The following KIAA1549L variants were observed in gnomAD, a reference collection of about 807,000 sequenced individuals.
The protein encoded by KIAA1549L is KIAA1549 like, also known as UPF0606 protein KIAA1549L.
In KIAA1549L, 88 loss-of-function variants were observed where a neutral mutation model predicts 160.7. The observed-to-expected ratio is 0.55, with a 90% CI of 0.46 to 0.65. The LOEUF is 0.65. Among genes scored for constraint, KIAA1549L ranks in the 30% least tolerant of loss-of-function variants. The pLI is 0.00. For synonymous variants in KIAA1549L, 950 were observed against 976.7 expected, an observed-to-expected ratio of 0.97 and a Z score of 0.51; for missense variants, 2,258 against 2,437.5, an observed-to-expected ratio of 0.93 and a Z score of 1.55.
intron 1 of KIAA1549L, among the ~76,000 whole-genome samples, chr11:33,504,180 G>C (rs758684702): frequency 6.6e-6 from 1 of 152,042 alleles, no homozygotes; most frequent in African/African-American, 2.4e-5. Flanking sequence ...AGAATTGCTC[G>C]AACCGGGGAG....
rs187570502 is a variant in KIAA1549L at position 33,501,038 on chromosome 11, G to A, written c.239-40764G>A. 1.2e-3 allele frequency among the ~76,000 whole-genome samples: 179 copies of A among 152,028 alleles called. No individual in the cohort carries two copies. In the South Asian group the frequency reaches 0.025, roughly 21 times the overall value. On this transcript the variant is annotated intron_variant, in intron 1 of 20. Transcript: ENST00000658780. ...GACATACTCCTCCAATCCACTTATT[G>A]CTGTCCGTGGTGCTGAAACATCACT...
chr11:33,562,201 G>C (rs533118922), intron 8 of KIAA1549L, among the ~76,000 whole-genome samples: 200 of 152,254 alleles, frequency 1.3e-3, no homozygotes, highest in African/African-American at 4.6e-3. Flanking sequence ...AATAGAAAGG[G>C]GTTCTTTTGG....
Position 33,542,644 on chromosome 11 carries a change from C to G in KIAA1549L, c.1081C>G (p.Leu361Val). Residue 361 changes from leucine to valine, a missense_variant, in exon 2 of 21, where the codon CTT becomes GTT. Transcript: ENST00000658780. The stretch of plus-strand genomic sequence containing the variant: ...CCATCCGTCTCCCCCTCCCCCAGCA[C>G]TTGGAAGTCTTCTTCAGCTTCCAGA... ...LSHPSPPPPA[L>V]GSLLQLPDGS... The G allele has an allele frequency of 6.2e-7, 1 of 1,613,846 alleles. No homozygotes were observed. Among genetic ancestry groups the G allele is most frequent in the South Asian group, 1.1e-5 (1 of 91,032 alleles).
chr11:33,605,451 CCT>C (rs749085408), intron 13 of KIAA1549L, among the ~76,000 whole-genome samples: 1 of 152,132 alleles, frequency 6.6e-6, no homozygotes, highest in African/African-American at 2.4e-5. Flanking sequence ...TAGAGATTTT[CCT>C]CTGTCATTGG....
chr11:33,470,535 T>C (rs1852156672), intron 1 of KIAA1549L, among the ~76,000 whole-genome samples: 1 of 152,132 alleles, frequency 6.6e-6, no homozygotes, highest in African/African-American at 2.4e-5. Context: ...AGCCTTCACC[T>C]CTCCCTCCTC....
chr11:33,665,354 CCT>C (rs1564949810), intron 20 of KIAA1549L: 1 of 151,968 alleles, frequency 6.6e-6, no homozygotes, highest in African/African-American at 2.4e-5. Flanking sequence ...GAGGGTGGCT[CCT>C]CTCTGCCCAC....
chr11:33,443,727 T>C (rs888858862), intron 1 of KIAA1549L, among the ~76,000 whole-genome samples: 2 of 137,938 alleles, frequency 1.4e-5, no homozygotes, highest in Non-Finnish European at 3.2e-5. Flanking sequence ...ATTTATGGAA[T>C]TGAAAAAAAA....
At chr11:33,392,286 A>G (rs1460203443) in intron 1 of KIAA1549L, among the ~76,000 whole-genome samples, 1 of 152,202 alleles carries the variant, frequency 6.6e-6, no homozygotes, top group Non-Finnish European at 1.5e-5. Flanking sequence ...TATATCTACC[A>G]TCTAAATGGT....
intron 17 of KIAA1549L, among the ~76,000 whole-genome samples, chr11:33,651,868 C>G (rs1169998649): frequency 2.4e-5 from 1 of 41,584 alleles, no homozygotes; most frequent in Non-Finnish European, 4.0e-5. Context: ...CCTCCCCTCC[C>G]CTCCCCCCCT....
rs376796148 is a variant in KIAA1549L, at chr11:33,400,979, C to G, written c.238+24090C>G. Among the ~76,000 whole-genome samples, 28 of 152,176 alleles carry G rather than the reference C, an allele frequency of 1.8e-4. No individual in the cohort carries two copies. In the South Asian group the frequency reaches 5.8e-3, roughly 32 times the overall value. ...TGAACCCAAGGCCTGTGCTCCTGTC[C>G]ACTGCTAAGCTGAATGCTCTCCATG... On this transcript the variant is annotated intron_variant, in intron 1 of 20. Coordinates refer to ENST00000658780, the MANE Select transcript of KIAA1549L (RefSeq NM_012194.3).
chr11:33,542,408 C>G lies in KIAA1549L; in HGVS notation c.845C>G (p.Ser282Cys). Residue 282 changes from serine to cysteine, a missense_variant, in exon 2 of 21, where the codon TCT becomes TGT. By Grantham distance (112) the Ser-to-Cys change is moderately radical. Coordinates refer to ENST00000658780, the MANE Select transcript of KIAA1549L (RefSeq NM_012194.3). ...CCCCAAACAGCTCCAGCCGACCCCTCTTTAGGTCAGAACATAGCTAATCCC... is the reference window on the plus strand; with the variant it reads ...CCCCAAACAGCTCCAGCCGACCCCTGTTTAGGTCAGAACATAGCTAATCCC... Reference protein sequence around the residue: ...LVPQTAPADPSLGQNIANPLI... With the variant: ...LVPQTAPADPCLGQNIANPLI... 1 of 1,511,310 alleles carries G rather than the reference C, an allele frequency of 6.6e-7. No homozygotes were observed. Among genetic ancestry groups the G allele is most frequent in the South Asian group, 1.3e-5 (1 of 78,384 alleles). 93.6% of individuals were successfully genotyped at this position (1,511,310 alleles called of 1,614,324 possible). A position where few individuals can be genotyped will look rare whatever the true frequency, so the allele number is the denominator to read the frequency against.
In KIAA1549L at chr11:33,459,645, G is replaced by T. The variant is rs1851898308; in HGVS notation, c.239-82157G>T. ...TCCGTCTGAACCATCCATCAGTCCT[G>T]TCCCTTGTTTGGCTTGTAGAAATAG... On this transcript the variant is annotated intron_variant, in intron 1 of 20. Coordinates refer to ENST00000658780, the MANE Select transcript of KIAA1549L (RefSeq NM_012194.3). Among the ~76,000 whole-genome samples the T allele has an allele frequency of 2.0e-5, 3 of 152,242 alleles. No homozygotes were observed. In the South Asian group the frequency reaches 6.2e-4, roughly 32 times the overall value.
rs150754566 is a variant in KIAA1549L, at chr11:33,592,647, G to T, written c.4751+1226G>T. 6.1e-3 allele frequency among the ~76,000 whole-genome samples: 932 copies of T among 152,288 alleles called. 8 individuals are homozygous for T. The highest frequency in any genetic ancestry group is 0.02 in the African/African-American group (847 of 41,536). On this transcript the variant is annotated intron_variant, in intron 12 of 20. Coordinates refer to ENST00000658780, the MANE Select transcript of KIAA1549L (RefSeq NM_012194.3). ...CTGTTCTTGGGCAGCTTATAATCTG[G>T]TGAGGAGAGATAGATAATAAACAAA...
intron 1 of KIAA1549L, among the ~76,000 whole-genome samples, chr11:33,386,744 G>A (rs1850180707): frequency 6.6e-6 from 1 of 151,768 alleles, no homozygotes; most frequent in Non-Finnish European, 1.5e-5. Context: ...ATGTTCATGA[G>A]GGGTATTGGT....
At chr11:33,545,576 A>G (rs1854224484) in intron 3 of KIAA1549L, among the ~76,000 whole-genome samples, 198 bp downstream of exon 3, 1 of 152,138 alleles carries the variant, frequency 6.6e-6, no homozygotes, top group Non-Finnish European at 1.5e-5. Flanking sequence ...TGGGATAGAG[A>G]CTGGGGATAC....
chr11:33,654,773 A>C (rs1852007198), intron 17 of KIAA1549L, among the ~76,000 whole-genome samples: 2 of 152,192 alleles, frequency 1.3e-5, no homozygotes, highest in African/African-American at 4.8e-5. Context: ...GGGGTAGGGG[A>C]ATAGTCCCTT....
intron 7 of KIAA1549L, among the ~76,000 whole-genome samples, 184 bp downstream of exon 7, chr11:33,560,095 T>C (rs764876123): frequency 2.6e-5 from 4 of 152,240 alleles, no homozygotes; most frequent in Non-Finnish European, 5.9e-5. Flanking sequence ...AGGTGACAGC[T>C]AAAATATGTG....
rs200708049 is a variant in KIAA1549L, at chr11:33,583,482, A to G, written c.4547A>G (p.Asn1516Ser). Residue 1516 changes from asparagine (N) to serine (S), a missense_variant, in exon 11 of 21, where the codon AAC becomes AGC. By Grantham distance (46) the Asn-to-Ser change is conservative (BLOSUM62 1). This residue lies in a region of KIAA1549L where 1,359 missense variants were observed against 1,546.6 expected (regional missense o/e 0.88). Transcript: ENST00000658780. ...GACTTCAAGCCTGACACCATGATAAACCTGCCGCAGAGAGCAAAGGTATAT... is the reference window on the plus strand; with the variant it reads ...GACTTCAAGCCTGACACCATGATAAGCCTGCCGCAGAGAGCAAAGGTATAT... ...KNDFKPDTMI[N>S]LPQRAKPVQG... 3.8e-6 allele frequency: 6 copies of G among 1,572,060 alleles called. No individual in the cohort carries two copies. The highest frequency in any genetic ancestry group is 5.2e-6 in the Non-Finnish European group (6 of 1,159,824).
intron 20 of KIAA1549L, among the ~76,000 whole-genome samples, chr11:33,667,476 T>G (rs529625806): frequency 6.6e-6 from 1 of 152,090 alleles, no homozygotes; most frequent in Non-Finnish European, 1.5e-5. Flanking sequence ...CATTGCAGCC[T>G]CTGCCTCCCG....
Sources: allele counts gnomAD v4.1 joint callset (sites outside exome capture counted in the v4.1 genomes callset), GRCh38; gene constraint gnomAD v4.1.1; regional missense constraint gnomAD v4.1.1; transcripts MANE v1.5; gene names NCBI Gene and HGNC (gene_info 2026-07-23, HGNC 2026-07-21).